The following ROBO1 variants were observed in gnomAD, a reference collection of about 807,000 sequenced individuals.
ROBO1 encodes the protein roundabout homolog 1.
ROBO1 carries 149 observed loss-of-function variants against 195.9 expected under a neutral mutation model. The observed-to-expected ratio is 0.76, with a 90% CI of 0.67 to 0.87. The LOEUF (loss-of-function observed/expected upper bound fraction) is 0.87. ROBO1 is among the 40% of genes least tolerant of loss of function. The pLI is 0.00. For synonymous variants in ROBO1, 816 were observed against 733.2 expected (o/e 1.11, Z -1.82); for missense variants, 1,933 against 2,068.3 (o/e 0.93, Z 1.27).
intron 3 of ROBO1, among the ~76,000 whole-genome samples, chr3:78,939,478 C>A (rs1477882397): frequency 6.7e-6 from 1 of 149,150 alleles, no homozygotes; most frequent in African/African-American, 2.5e-5. Context: ...ATTAGCCTGG[C>A]GTGGTGGCGG....
intron 10 of ROBO1, among the ~76,000 whole-genome samples, chr3:78,682,768 T>C (rs1361142142): frequency 1.3e-5 from 2 of 148,246 alleles, no homozygotes; most frequent in African/African-American, 4.9e-5. Flanking sequence ...AGGAATAAAA[T>C]TATAATAATA....
At chr3:79,549,297 G>C (rs142306703) in intron 2 of ROBO1, among the ~76,000 whole-genome samples, 394 of 152,056 alleles carry the variant, frequency 2.6e-3, no homozygotes, top group African/African-American at 9.1e-3. Flanking sequence ...TGTGATATAC[G>C]ACATAAAATA....
intron 1 of ROBO1, among the ~76,000 whole-genome samples, chr3:79,656,525 TTATCTATC>T (rs752250435): frequency 6.6e-6 from 1 of 152,044 alleles, no homozygotes; most frequent in Non-Finnish European, 1.5e-5. Context: ...TGTCTATCAA[TTATCTATC>T]TATCTATCTA....
At chr3:78,689,287 C>T (rs1320823593) in intron 8 of ROBO1, among the ~76,000 whole-genome samples, 3 of 152,152 alleles carry the variant, frequency 2.0e-5, no homozygotes, top group African/African-American at 7.2e-5. Flanking sequence ...TCAAATGCCT[C>T]TTTCATTTAC....
intron 3 of ROBO1, among the ~76,000 whole-genome samples, chr3:78,953,115 TTAA>T (rs1295532330): frequency 6.6e-6 from 1 of 152,048 alleles, no homozygotes; most frequent in Non-Finnish European, 1.5e-5. Flanking sequence ...TCTCCCATTG[TTAA>T]TAATACATAG....
chr3:79,008,802 T>A (rs1042686156), intron 3 of ROBO1, among the ~76,000 whole-genome samples: 2 of 148,258 alleles, frequency 1.3e-5, no homozygotes, highest in East Asian at 4.0e-4. Flanking sequence ...TTGCCCAGGC[T>A]AGTCTCAAAC....
intron 4 of ROBO1, among the ~76,000 whole-genome samples, chr3:78,866,095 T>C (rs1264917841): frequency 6.6e-6 from 1 of 152,168 alleles, no homozygotes; most frequent in East Asian, 1.9e-4. Context: ...ATATTGTGCA[T>C]GATGGAAAAT....
intron 1 of ROBO1, among the ~76,000 whole-genome samples, chr3:79,655,632 G>A (rs891597804): frequency 6.6e-6 from 1 of 151,900 alleles, no homozygotes; most frequent in Admixed American, 6.6e-5. Flanking sequence ...TTAAATAAGG[G>A]CTTTCATTGC....
chr3:79,328,710 T>G (rs933484184), intron 2 of ROBO1, among the ~76,000 whole-genome samples: 6 of 152,266 alleles, frequency 3.9e-5, no homozygotes, highest in Non-Finnish European at 8.8e-5. Context: ...TCTGAGATTT[T>G]GATGCACCCA....
At chr3:78,616,881 G>A (rs1704142425) in intron 27 of ROBO1, among the ~76,000 whole-genome samples, 1 of 152,088 alleles carries the variant, frequency 6.6e-6, no homozygotes, top group African/African-American at 2.4e-5. Context: ...ATTGGGAAGA[G>A]GAGGAGATAA....
At chr3:79,696,691 G>C (rs1311846999) in intron 1 of ROBO1, among the ~76,000 whole-genome samples, 1 of 151,240 alleles carries the variant, frequency 6.6e-6, no homozygotes, top group African/African-American at 2.4e-5. Context: ...AATGGCACCT[G>C]GATAAATTAC....
intron 4 of ROBO1, among the ~76,000 whole-genome samples, chr3:78,848,898 C>T (rs947355187): frequency 1.3e-5 from 2 of 152,016 alleles, no homozygotes; most frequent in African/African-American, 2.4e-5. Context: ...AAGTGGTTAT[C>T]GCACTAATTT....
At chr3:79,583,138 TGGTC>T (rs1478730442) in intron 2 of ROBO1, among the ~76,000 whole-genome samples, 1 of 152,008 alleles carries the variant, frequency 6.6e-6, no homozygotes, top group African/African-American at 2.4e-5. Context: ...TTATGGATAG[TGGTC>T]ATTCTAATTA....
At chr3:78,634,541 C>A in intron 23 of ROBO1, 1 of 341,662 alleles carries the variant, frequency 2.9e-6, no homozygotes, top group South Asian at 2.3e-5. Flanking sequence ...ACCAAATCTG[C>A]TTACAAGCAG....
At chr3:79,674,059 A>ATTG (rs1946711124) in intron 1 of ROBO1, among the ~76,000 whole-genome samples, 2 of 152,044 alleles carry the variant, frequency 1.3e-5, no homozygotes, top group Non-Finnish European at 2.9e-5. Flanking sequence ...GCAATAATCT[A>ATTG]CTGCTTTCCT....
intron 10 of ROBO1, among the ~76,000 whole-genome samples, chr3:78,676,288 C>T (rs1446872835): frequency 2.0e-5 from 3 of 152,164 alleles, no homozygotes; most frequent in Non-Finnish European, 4.4e-5. Flanking sequence ...TCCAAAGGAA[C>T]GCAGTTCCTC....
At chr3:79,116,784 C>A (rs1368156166) in intron 3 of ROBO1, among the ~76,000 whole-genome samples, 1 of 152,042 alleles carries the variant, frequency 6.6e-6, no homozygotes, top group African/African-American at 2.4e-5. Flanking sequence ...TCCCAAATTG[C>A]TGGGATTAGA....
At chr3:79,091,059 T>C (rs2079471626) in intron 3 of ROBO1, among the ~76,000 whole-genome samples, 1 of 152,192 alleles carries the variant, frequency 6.6e-6, no homozygotes, top group Non-Finnish European at 1.5e-5. Flanking sequence ...TTAAATCAGC[T>C]GCAGGTCTTC....
At chr3:79,728,365 A>G (rs1703010600) in intron 1 of ROBO1, among the ~76,000 whole-genome samples, 1 of 152,162 alleles carries the variant, frequency 6.6e-6, no homozygotes, top group Non-Finnish European at 1.5e-5. Context: ...GTCACTTGAT[A>G]AAGAAAACAT....
Sources: allele counts gnomAD v4.1 joint callset (sites outside exome capture counted in the v4.1 genomes callset), GRCh38; gene constraint gnomAD v4.1.1; transcripts MANE v1.5; gene names NCBI Gene and HGNC (gene_info 2026-07-23, HGNC 2026-07-21).